The following KCNIP4 variants were observed in gnomAD, a reference collection of about 807,000 sequenced individuals.
KCNIP4 encodes the protein Kv channel-interacting protein 4.
Under a neutral mutation model 34.0 loss-of-function variants are expected in KCNIP4, and 12 were observed. That is an observed-to-expected ratio of 0.35 (90% confidence interval 0.23 to 0.57). The LOEUF is 0.57. KCNIP4 is among the 20% of genes least tolerant of loss of function. KCNIP4 has a pLI of 0.83. For missense variants in KCNIP4, 238 were observed against 311.7 expected, an observed-to-expected ratio of 0.76 and a Z score of 1.78; for synonymous variants, 124 against 102.2, an observed-to-expected ratio of 1.21 and a Z score of -1.29.
chr4:20,967,656 C>A (rs188757932), intron 1 of KCNIP4, among the ~76,000 whole-genome samples: 3 of 152,142 alleles, frequency 2.0e-5, no homozygotes, highest in Non-Finnish European at 4.4e-5. Flanking sequence ...CTTTGACAAA[C>A]CTGACAGAAA....
Position 20,732,740 on chromosome 4 carries a change from A to C in KCNIP4, c.583T>G (p.Cys195Gly), listed in dbSNP as rs1247738477. Residue 195 changes from cysteine to glycine, a missense_variant, in exon 7 of 9, where the codon TGT becomes GGT. Cys to Gly is a radical substitution (Grantham distance 159). Transcript: ENST00000382152. ...MKAIYDMMGK[C>G]TYPVLKEDAP... ...TCTTCTTTGAGGACAGGATATGTAC[A>C]TTTACCCATCATATCGTATATTGCT... 1.2e-6 allele frequency: 2 copies of C among 1,612,788 alleles called. No individual in the cohort carries two copies. Among genetic ancestry groups the C allele is most frequent in the South Asian group, 2.2e-5 (2 of 91,044 alleles).
intron 1 of KCNIP4, among the ~76,000 whole-genome samples, chr4:21,581,906 C>T (rs1367689585): frequency 1.3e-5 from 2 of 151,578 alleles, no homozygotes; most frequent in Non-Finnish European, 2.9e-5. Flanking sequence ...GTCATGAACC[C>T]AATTTAATGA....
At chr4:21,666,385 T>C (rs577839621) in intron 1 of KCNIP4, among the ~76,000 whole-genome samples, 6 of 152,310 alleles carry the variant, frequency 3.9e-5, no homozygotes, top group African/African-American at 1.4e-4. Flanking sequence ...ACTGTATCCA[T>C]TATGTGTAGA....
intron 1 of KCNIP4, among the ~76,000 whole-genome samples, chr4:21,501,250 A>G (rs406240): frequency 1.1e-5 from 1 of 94,848 alleles, no homozygotes; most frequent in African/African-American, 3.9e-5. Context: ...TCTCTCTCTC[A>G]CACACACACA....
chr4:20,795,298 G>A (rs925021531), intron 3 of KCNIP4, among the ~76,000 whole-genome samples: 4 of 152,016 alleles, frequency 2.6e-5, no homozygotes, highest in Non-Finnish European at 5.9e-5. Context: ...TCTGTGAAAT[G>A]GTGCCTCAGC....
intron 1 of KCNIP4, among the ~76,000 whole-genome samples, chr4:20,990,858 A>T (rs1737022198): frequency 6.6e-6 from 1 of 152,156 alleles, no homozygotes; most frequent in Admixed American, 6.5e-5. Flanking sequence ...GCTGGCTTTA[A>T]GGCCGTGATT....
At chr4:21,622,544 T>C (rs1030077784) in intron 1 of KCNIP4, among the ~76,000 whole-genome samples, 10 of 152,208 alleles carry the variant, frequency 6.6e-5, no homozygotes, top group African/African-American at 1.7e-4. Flanking sequence ...CAGAGCTTTT[T>C]ACAAAATCAA....
At chr4:21,087,913 T>G (rs2109035843) in intron 1 of KCNIP4, among the ~76,000 whole-genome samples, 1 of 152,298 alleles carries the variant, frequency 6.6e-6, no homozygotes, top group Admixed American at 6.5e-5. Flanking sequence ...TCTCAACATT[T>G]ATTTCAAGAT....
At chr4:21,198,224 T>C (rs1756199076) in intron 1 of KCNIP4, among the ~76,000 whole-genome samples, 1 of 152,194 alleles carries the variant, frequency 6.6e-6, no homozygotes, top group African/African-American at 2.4e-5. Context: ...TTTTCTAAAC[T>C]CTCCATGGAG....
chr4:21,270,110 C>T (rs991976411), intron 1 of KCNIP4, among the ~76,000 whole-genome samples: 26 of 152,074 alleles, frequency 1.7e-4, no homozygotes, highest in Admixed American at 1.4e-3. Flanking sequence ...GTTTAACCAC[C>T]GGGGAGTATC....
chr4:21,449,815 G>A (rs1013399508), intron 1 of KCNIP4, among the ~76,000 whole-genome samples: 1 of 151,854 alleles, frequency 6.6e-6, no homozygotes, highest in Non-Finnish European at 1.5e-5. Context: ...GTTTTTCAGT[G>A]ATTAAATAAA....
chr4:21,256,015 A>C (rs1191597362), intron 1 of KCNIP4, among the ~76,000 whole-genome samples: 5 of 152,074 alleles, frequency 3.3e-5, no homozygotes, highest in Non-Finnish European at 7.3e-5. Context: ...ACCACATAGC[A>C]GGCTAGATAA....
At chr4:21,745,945 C>A (rs1047760650) in intron 1 of KCNIP4, among the ~76,000 whole-genome samples, 1 of 152,108 alleles carries the variant, frequency 6.6e-6, no homozygotes, top group East Asian at 1.9e-4. Flanking sequence ...ATACAACAGA[C>A]TGAGGGGCTT....
chr4:21,948,149 T>C lies in KCNIP4; in HGVS notation c.61+422A>G, dbSNP rs1014312165. Reference sequence around the variant, plus strand: ...AAAATACAGTTGTAATGAAGAAACGTGTGGGGGCATGAAGGAAAAGTGGAA... The same window carrying C: ...AAAATACAGTTGTAATGAAGAAACGCGTGGGGGCATGAAGGAAAAGTGGAA... On this transcript the variant is annotated intron_variant, in intron 1 of 8. Transcript: ENST00000382152. Among the ~76,000 whole-genome samples, 3 of 152,160 alleles carry C rather than the reference T, an allele frequency of 2.0e-5. 1 individual carries two copies. Among genetic ancestry groups the C allele is most frequent in the Non-Finnish European group, 1.5e-5 (1 of 68,020 alleles).
intron 2 of KCNIP4, among the ~76,000 whole-genome samples, chr4:20,866,923 A>C (rs1037040684): frequency 1.3e-5 from 2 of 152,072 alleles, no homozygotes; most frequent in African/African-American, 4.8e-5. Flanking sequence ...CACAAAGAAA[A>C]TAAAATACTT....
At chr4:21,407,699 T>G (rs1724114389) in intron 1 of KCNIP4, among the ~76,000 whole-genome samples, 1 of 152,186 alleles carries the variant, frequency 6.6e-6, no homozygotes. Flanking sequence ...CATTTTGAAC[T>G]CCCTAAAAAT....
intron 1 of KCNIP4, among the ~76,000 whole-genome samples, chr4:20,898,553 T>C (rs1726810053): frequency 6.6e-6 from 1 of 152,184 alleles, no homozygotes; most frequent in Non-Finnish European, 1.5e-5. Context: ...AAATGCACAA[T>C]GCACTTTAGT....
intron 3 of KCNIP4, among the ~76,000 whole-genome samples, chr4:20,814,230 T>C (rs1403629882): frequency 6.6e-6 from 1 of 152,200 alleles, no homozygotes; most frequent in Non-Finnish European, 1.5e-5. Context: ...GATGATTTGT[T>C]TGCACATTAA....
chr4:21,032,992 C>T (rs965742408), intron 1 of KCNIP4, among the ~76,000 whole-genome samples: 1 of 151,992 alleles, frequency 6.6e-6, no homozygotes, highest in African/African-American at 2.4e-5. Flanking sequence ...TCTCCTCTCT[C>T]CTCTTTGAAC....
Sources: gnomAD v4.1 joint callset for allele counts (sites outside exome capture counted in the v4.1 genomes callset) on GRCh38, gnomAD v4.1.1 for gene constraint, MANE v1.5 for transcripts, NCBI Gene and HGNC (gene_info 2026-07-23, HGNC 2026-07-21) for gene names.